The following ATRX variants were observed in gnomAD, a reference collection of about 807,000 sequenced individuals.
The protein encoded by ATRX is ATRX chromatin remodeler.
Under a neutral mutation model 172.6 loss-of-function variants are expected in ATRX, and 12 were observed. The observed-to-expected ratio is 0.07, with a 90% confidence interval of 0.04 to 0.11. ATRX has a LOEUF of 0.11. ATRX is among the 10% of genes least tolerant of loss of function. The pLI, the probability that ATRX is intolerant of heterozygous loss-of-function variation, is 1.00. For synonymous variants in ATRX, 674 were observed against 594.7 expected (o/e 1.13, Z -1.94); for missense variants, 1,368 against 1,767.4 (o/e 0.77, Z 4.05).
At chrX:77,691,027 TAAAC>T (rs1482861385) in intron 6 of ATRX, 1 of 112,063 alleles carries the variant, frequency 8.9e-6, no homozygotes, top group African/African-American at 3.2e-5. Flanking sequence ...CAGTGAAAAA[TAAAC>T]AAACTAGATG....
chrX:77,528,206 G>A (rs1242456374), intron 30 of ATRX, among the ~76,000 whole-genome samples: 1 of 110,878 alleles, frequency 9.0e-6, no homozygotes, highest in Non-Finnish European at 1.9e-5. Flanking sequence ...CTGCTTCTTT[G>A]ACAGGTCCCG....
At chrX:77,549,844 G>A (rs955160580) in intron 30 of ATRX, among the ~76,000 whole-genome samples, 1 of 112,010 alleles carries the variant, frequency 8.9e-6, no homozygotes, top group Non-Finnish European at 1.9e-5. Flanking sequence ...AAGTGGACAG[G>A]CATAGTGGCT....
chrX:77,543,932 A>G (rs1219811412), intron 30 of ATRX, among the ~76,000 whole-genome samples: 2 of 97,597 alleles, frequency 2.0e-5, no homozygotes, highest in Non-Finnish European at 4.1e-5. Flanking sequence ...CTTTCTGCAC[A>G]TGTACCCCAG....
chrX:77,624,368 A>AAAAAAG (rs1456240523), intron 19 of ATRX, among the ~76,000 whole-genome samples: 1 of 111,300 alleles, frequency 9.0e-6, no homozygotes, highest in African/African-American at 3.3e-5. Flanking sequence ...CTCCATCTCA[A>AAAAAAG]AAAAAGAAAA....
chrX:77,659,281 C>T (rs2069725547), intron 12 of ATRX, among the ~76,000 whole-genome samples: 1 of 110,114 alleles, frequency 9.1e-6, no homozygotes, highest in Admixed American at 9.8e-5. Context: ...TGGGAGAATA[C>T]CAAAAACACA....
In ATRX at chrX:77,589,766, A is replaced by G. The variant is rs2066166893; in HGVS notation, c.6217+68T>C. The G allele has an allele frequency of 1.0e-5, 10 of 993,196 alleles. No homozygotes were observed. In the South Asian group the frequency reaches 2.1e-4, roughly 21 times the overall value. 81.9% of individuals were successfully genotyped at this position (993,196 alleles called of 1,213,427 possible). ...GGGTAGTTTTGTTTCTTTTGTTGCTAAAATGTTTGTATGGTATGTTTAAAT... is the reference window on the plus strand; with the variant it reads ...GGGTAGTTTTGTTTCTTTTGTTGCTGAAATGTTTGTATGGTATGTTTAAAT... On this transcript the variant is annotated intron_variant, in intron 27 of 34. Coordinates refer to ENST00000373344, the MANE Select transcript of ATRX (RefSeq NM_000489.6).
At chrX:77,637,889 G>A (rs2068460815) in intron 15 of ATRX, among the ~76,000 whole-genome samples, 1 of 90,113 alleles carries the variant, frequency 1.1e-5, no homozygotes, top group South Asian at 6.3e-4. Context: ...GCAATGAGCC[G>A]AGATCGTGCC....
intron 7 of ATRX, among the ~76,000 whole-genome samples, chrX:77,688,276 A>G (rs2071692680): frequency 8.9e-6 from 1 of 112,021 alleles, no homozygotes; most frequent in Non-Finnish European, 1.9e-5. Flanking sequence ...CCAAGGTATT[A>G]CTAACAAAAA....
At chrX:77,528,415 T>A (rs782622176) in intron 30 of ATRX, among the ~76,000 whole-genome samples, 7 of 111,328 alleles carry the variant, frequency 6.3e-5, no homozygotes, top group Admixed American at 5.7e-4. Flanking sequence ...GACTGCTTCA[T>A]TGGGTGGGTC....
intron 30 of ATRX, 93 bp from the exon 31 acceptor site, chrX:77,523,494 A>G: frequency 1.1e-6 from 1 of 905,187 alleles, no homozygotes; most frequent in South Asian, 2.2e-5. Context: ...ACTAGAAACT[A>G]AAACCTGATT....
chrX:77,640,692 G>T (rs1375271565), intron 15 of ATRX, among the ~76,000 whole-genome samples: 1 of 111,310 alleles, frequency 9.0e-6, no homozygotes, highest in Non-Finnish European at 1.9e-5. Flanking sequence ...TTGAATTGGT[G>T]CCTGAAGGAT....
At chrX:77,692,466 G>A (rs1289271144) in intron 6 of ATRX, among the ~76,000 whole-genome samples, 2 of 111,145 alleles carry the variant, frequency 1.8e-5, no homozygotes, top group South Asian at 3.7e-4. Flanking sequence ...TTATTTAATC[G>A]GAAAATGAAT....
intron 17 of ATRX, 39 bp downstream of exon 17, chrX:77,634,555 C>A (rs2068258931): frequency 9.3e-7 from 1 of 1,072,371 alleles, no homozygotes; most frequent in African/African-American, 1.8e-5. Flanking sequence ...ATTAATGAAT[C>A]CACAAAAACA....
At chrX:77,568,657 A>T (rs2065291083) in intron 28 of ATRX, among the ~76,000 whole-genome samples, 1 of 111,901 alleles carries the variant, frequency 8.9e-6, no homozygotes, top group Admixed American at 9.5e-5. Context: ...GACAATGACA[A>T]CACGAAAACA....
intron 2 of ATRX, among the ~76,000 whole-genome samples, chrX:77,710,933 AACACACAC>A (rs145847838): frequency 3.1e-5 from 3 of 97,910 alleles, no homozygotes; most frequent in Admixed American, 2.3e-4. Flanking sequence ...ATAGAACTTT[AACACACAC>A]ACACACACAC....
intron 1 of ATRX, among the ~76,000 whole-genome samples, chrX:77,775,827 C>T (rs1163188044): frequency 2.7e-5 from 3 of 111,184 alleles, no homozygotes; most frequent in East Asian, 2.8e-4. Flanking sequence ...CTCTGCCTCC[C>T]GGCTTCAAGC....
At chrX:77,591,002 T>C (rs1557080151) in intron 26 of ATRX, among the ~76,000 whole-genome samples, 1 of 112,629 alleles carries the variant, frequency 8.9e-6, no homozygotes, top group African/African-American at 3.2e-5. Context: ...TAAAATTACA[T>C]GCATTCTATA....
chrX:77,549,529 G>A (rs2064384769), intron 30 of ATRX, among the ~76,000 whole-genome samples: 3 of 112,080 alleles, frequency 2.7e-5, no homozygotes, highest in South Asian at 3.6e-4. Context: ...TTACATAAAC[G>A]TTAACAGAGG....
At chrX:77,614,443 T>A (rs782820428) in intron 22 of ATRX, among the ~76,000 whole-genome samples, 2 of 112,195 alleles carry the variant, frequency 1.8e-5, no homozygotes, top group Non-Finnish European at 3.8e-5. Flanking sequence ...AATTTAACAA[T>A]CATATCTTTT....
Sources: gnomAD v4.1 joint callset for allele counts (sites outside exome capture counted in the v4.1 genomes callset) on GRCh38, gnomAD v4.1.1 for gene constraint, MANE v1.5 for transcripts, NCBI Gene and HGNC (gene_info 2026-07-23, HGNC 2026-07-21) for gene names.